Variants in RBFOX2 observed in about 807,000 individuals in gnomAD.
RBFOX2 encodes RNA binding protein fox-1 homolog 2.
RBFOX2 carries 10 observed loss-of-function variants against 49.1 expected under a neutral mutation model. The ratio of observed to expected loss-of-function variants is 0.20; its 90% CI spans 0.13 to 0.35. The LOEUF is 0.35. Ranked by LOEUF, RBFOX2 falls within the 10% of genes least tolerant of loss-of-function variation. The pLI is 1.00. For synonymous variants in RBFOX2, 183 were observed against 187.4 expected, an observed-to-expected ratio of 0.98 and a Z score of 0.19; for missense variants, 323 against 486.9, an observed-to-expected ratio of 0.66 and a Z score of 3.17.
At chr22:35,886,807 C>T (rs2046641234) in intron 1 of RBFOX2, among the ~76,000 whole-genome samples, 1 of 152,146 alleles carries the variant, frequency 6.6e-6, no homozygotes. Flanking sequence ...TTCATAGCTA[C>T]CTGAAACGTC....
intron 1 of RBFOX2, among the ~76,000 whole-genome samples, chr22:35,899,566 C>CAAAAA (rs398061920): frequency 2.0e-4 from 18 of 90,068 alleles, no homozygotes; most frequent in African/African-American, 4.7e-4. Flanking sequence ...TAAAACAAAA[C>CAAAAA]AAAAAAAAAA....
At chr22:35,883,786 C>T (rs557395085) in intron 1 of RBFOX2, among the ~76,000 whole-genome samples, 54 of 152,236 alleles carry the variant, frequency 3.5e-4, no homozygotes, top group African/African-American at 1.2e-3. Context: ...AAACTTTCTA[C>T]CACTACATAA....
At chr22:35,850,177 CTCTG>C (rs1249719655) in intron 1 of RBFOX2, among the ~76,000 whole-genome samples, 2 of 139,062 alleles carry the variant, frequency 1.4e-5, no homozygotes, top group Non-Finnish European at 3.1e-5. Flanking sequence ...CATGCGCATT[CTCTG>C]TCTCTCTCTC....
intron 2 of RBFOX2, among the ~76,000 whole-genome samples, chr22:35,782,704 ACC>A (rs557039298): frequency 1.3e-5 from 2 of 152,170 alleles, no homozygotes; most frequent in Non-Finnish European, 2.9e-5. Context: ...GGGGAACCCA[ACC>A]TTCTGCAGCC....
rs2056834190 is a variant in RBFOX2 at position 35,970,882 on chromosome 22, T to C, written c.187-31985A>G. ...AATTGCAAAGACCTAAATGGACCCCTGGGATGGCAGAGTTTCTGTAATCAT... is the reference window on the plus strand; with the variant it reads ...AATTGCAAAGACCTAAATGGACCCCCGGGATGGCAGAGTTTCTGTAATCAT... On this transcript the variant is annotated intron_variant, in intron 1 of 13. Coordinates refer to the RBFOX2 transcript ENST00000438146. 2.6e-5 allele frequency among the ~76,000 whole-genome samples: 4 copies of C among 152,310 alleles called. No homozygotes were observed. The South Asian group carries it at 8.3e-4, about 32-fold the overall frequency.
chr22:35,865,494 C>A (rs1400540042), intron 1 of RBFOX2, among the ~76,000 whole-genome samples: 1 of 152,128 alleles, frequency 6.6e-6, no homozygotes. Flanking sequence ...ATCTTTAATT[C>A]CAGCGTTCAA....
At chr22:35,911,116 G>C (rs1027704391) in intron 1 of RBFOX2, among the ~76,000 whole-genome samples, 2 of 152,144 alleles carry the variant, frequency 1.3e-5, no homozygotes, top group African/African-American at 4.8e-5. Flanking sequence ...CTTTAAGCCT[G>C]ATATGACCTC....
At chr22:35,950,488 T>C (rs1173732391) in intron 1 of RBFOX2, among the ~76,000 whole-genome samples, 1 of 152,180 alleles carries the variant, frequency 6.6e-6, no homozygotes, top group East Asian at 1.9e-4. Context: ...AGCCAGCAGC[T>C]AGTAGCTTCC....
chr22:35,769,678 CTTTAAT>C (rs1184358999), intron 4 of RBFOX2, among the ~76,000 whole-genome samples: 4 of 152,084 alleles, frequency 2.6e-5, no homozygotes, highest in Non-Finnish European at 4.4e-5. Context: ...ACCCAGAACC[CTTTAAT>C]TTTAACTGAA....
At chr22:35,758,614 TTAAAA>T (rs766725649) in intron 9 of RBFOX2, among the ~76,000 whole-genome samples, 9 of 152,140 alleles carry the variant, frequency 5.9e-5, no homozygotes, top group Non-Finnish European at 1.0e-4. Flanking sequence ...GAAAAAAGGA[TTAAAA>T]TAAAAGTAAG....
intron 1 of RBFOX2, among the ~76,000 whole-genome samples, chr22:35,816,365 T>C (rs1456367429): frequency 1.3e-5 from 2 of 152,206 alleles, no homozygotes; most frequent in Admixed American, 6.5e-5. Flanking sequence ...TAGGGTAGAA[T>C]TGTTTTGCTT....
At chr22:35,839,382 G>A (rs1958291412) in intron 1 of RBFOX2, among the ~76,000 whole-genome samples, 1 of 151,224 alleles carries the variant, frequency 6.6e-6, no homozygotes, top group Non-Finnish European at 1.5e-5. Flanking sequence ...AAGAGGCAGG[G>A]AGAAAGAGGG....
chr22:35,971,661 CAG>C (rs1044080926), intron 1 of RBFOX2, among the ~76,000 whole-genome samples: 1 of 151,974 alleles, frequency 6.6e-6, no homozygotes, highest in Non-Finnish European at 1.5e-5. Flanking sequence ...GGGAGGTAAA[CAG>C]GGCAGGCAAA....
At chr22:35,837,821 CTCTT>C (rs1275676619) in intron 1 of RBFOX2, among the ~76,000 whole-genome samples, 13 of 152,190 alleles carry the variant, frequency 8.5e-5, no homozygotes, top group African/African-American at 3.1e-4. Flanking sequence ...CCCAGAATCT[CTCTT>C]TCCAGTTTCC....
intron 1 of RBFOX2, among the ~76,000 whole-genome samples, chr22:35,991,382 A>T (rs1018043444): frequency 6.6e-6 from 1 of 152,190 alleles, no homozygotes; most frequent in African/African-American, 2.4e-5. Context: ...TACATTCTGG[A>T]TGCTGACCAA....
chr22:35,772,746 C>T (rs912591054), intron 4 of RBFOX2, among the ~76,000 whole-genome samples: 2 of 152,122 alleles, frequency 1.3e-5, no homozygotes, highest in African/African-American at 4.8e-5. Flanking sequence ...CAAAGTGTGA[C>T]AGCAATTTCA....
intron 1 of RBFOX2, among the ~76,000 whole-genome samples, chr22:35,852,485 T>TA (rs2042051485): frequency 3.3e-5 from 5 of 149,630 alleles, no homozygotes; most frequent in African/African-American, 9.9e-5. Flanking sequence ...ACCTTTCTTT[T>TA]TAAAAAAAAA....
intron 1 of RBFOX2, among the ~76,000 whole-genome samples, chr22:35,911,193 C>A (rs1445647515): frequency 6.6e-6 from 1 of 152,118 alleles, no homozygotes; most frequent in African/African-American, 2.4e-5. Flanking sequence ...ATCTTTATCT[C>A]CCCCAGGTAC....
At chr22:35,994,385 T>TTTTATTTATTTA (rs560646071) in intron 1 of RBFOX2, 166 of 148,120 alleles carry the variant, frequency 1.1e-3, no homozygotes, top group African/African-American at 4.0e-3. Context: ...TATTTATTCA[T>TTTTATTTATTTA]TTTATTTATT....
Sources: allele counts gnomAD v4.1 joint callset (sites outside exome capture counted in the v4.1 genomes callset), GRCh38; gene constraint gnomAD v4.1.1; transcripts MANE v1.5; gene names NCBI Gene and HGNC (gene_info 2026-07-23, HGNC 2026-07-21).